LIMK1: variants seen among roughly 807,000 people sequenced by gnomAD.
LIMK1 encodes the protein LIM motif-containing protein kinase.
A neutral mutation model predicts 77.6 loss-of-function variants in LIMK1; 21 were observed. That is an observed-to-expected ratio of 0.27 (90% CI 0.19 to 0.39). The LOEUF (loss-of-function observed/expected upper bound fraction) is 0.39, where lower values mean the gene tolerates loss of function less well. LIMK1 is among the 10% of genes least tolerant of loss of function. The probability of loss-of-function intolerance (pLI) is 1.00; values close to 1 mark genes in which losing one functional copy is unlikely to be tolerated. For synonymous variants in LIMK1, 358 were observed against 370.0 expected, an observed-to-expected ratio of 0.97 and a Z score of 0.37; for missense variants, 696 against 901.6, an observed-to-expected ratio of 0.77 and a Z score of 2.92.
Position 74,111,663 on chromosome 7 carries a change from T to C in LIMK1, c.1300T>C (p.Trp434Arg). The C allele has an allele frequency of 1.2e-6, 2 of 1,613,314 alleles. No homozygotes were observed. Among genetic ancestry groups the C allele is most frequent in the Non-Finnish European group, 1.7e-6 (2 of 1,179,642 alleles). Residue 434 changes from tryptophan (W) to arginine (R), a missense_variant, in exon 11 of 16, where the codon TGG becomes CGG. Physicochemically the swap from Trp to Arg is moderately radical, Grantham distance 101 (BLOSUM62 -3). Transcript: ENST00000336180. ...TCCATCCCAGGACAGCCAGTACCCA[T>C]GGAGCCAGAGAGTGAGCTTTGCCAA... ...IIKSMDSQYP[W>R]SQRVSFAKDI...
intron 10 of LIMK1, 196 bp from the exon 11 acceptor site, chr7:74,111,452 A>G: frequency 3.5e-6 from 2 of 577,022 alleles, no homozygotes; most frequent in East Asian, 2.9e-5. Flanking sequence ...AAAAAAAAAA[A>G]GGAAATAATG....
chr7:74,087,898 T>G (rs1015207849), intron 2 of LIMK1, among the ~76,000 whole-genome samples: 2 of 151,906 alleles, frequency 1.3e-5, no homozygotes, highest in East Asian at 3.9e-4. Flanking sequence ...CCTCGGTTTG[T>G]TTTTTTGTTT....
chr7:74,111,534 G>T (rs1015534794), intron 10 of LIMK1, 114 bp from the exon 11 acceptor site: 5 of 801,318 alleles, frequency 6.2e-6, no homozygotes, highest in Non-Finnish European at 6.4e-6. Flanking sequence ...CGGGGTGTTG[G>T]GGAGCCCAGG....
chr7:74,086,539 T>C (rs1264289695), intron 2 of LIMK1, among the ~76,000 whole-genome samples: 1 of 152,112 alleles, frequency 6.6e-6, no homozygotes, highest in Non-Finnish European at 1.5e-5. Context: ...TTTTAAATTT[T>C]GTGTAAAGAC....
intron 13 of LIMK1, 126 bp downstream of exon 13, chr7:74,116,084 C>T (rs1273938632): frequency 1.0e-6 from 1 of 978,774 alleles, no homozygotes; most frequent in Non-Finnish European, 1.5e-6. Context: ...CCTGTGGGTC[C>T]TGTTGCTCCT....
intron 2 of LIMK1, among the ~76,000 whole-genome samples, chr7:74,091,461 G>A (rs782586260): frequency 4.6e-5 from 7 of 152,162 alleles, no homozygotes; most frequent in Non-Finnish European, 1.0e-4. Context: ...AAGCTGCAGT[G>A]AGCTGTGATC....
intron 6 of LIMK1, 39 bp from the exon 7 acceptor site, chr7:74,106,038 T>G (rs1216926646): frequency 1.2e-6 from 2 of 1,612,778 alleles, no homozygotes; most frequent in Non-Finnish European, 1.7e-6. Context: ...CCTAGCCCCC[T>G]CCCCACTCCA....
At chr7:74,096,462 C>T (rs1468877690) in intron 2 of LIMK1, among the ~76,000 whole-genome samples, 160 bp from the exon 3 acceptor site, 1 of 152,148 alleles carries the variant, frequency 6.6e-6, no homozygotes, top group Non-Finnish European at 1.5e-5. Context: ...GATCGAGCCA[C>T]TGCACTGCAG....
chr7:74,093,744 G>A lies in LIMK1; in HGVS notation c.153-2878G>A, dbSNP rs142928804. 5.3e-5 allele frequency among the ~76,000 whole-genome samples: 8 copies of A among 152,268 alleles called. No homozygotes were observed. In the East Asian group the frequency reaches 1.4e-3, roughly 26 times the overall value. ...TGGGGCCAGGGCATGGCTCTCCCCC[G>A]AGGGAGTTCCTCTCTGGCTGTCCCC... On this transcript the variant is annotated intron_variant, in intron 2 of 15. Coordinates refer to ENST00000336180, the MANE Select transcript of LIMK1 (RefSeq NM_002314.4).
chr7:74,099,187 A>G lies in LIMK1; in HGVS notation c.557A>G (p.His186Arg). The change falls in exon 5 of 16, where the codon CAC (histidine) becomes CGC (arginine). Residue 186 changes from histidine (H) to arginine (R), a missense_variant. His to Arg is a conservative substitution (Grantham distance 29). This residue lies in a region of LIMK1 where 252 missense variants were observed against 279.4 expected (regional missense o/e 0.90). Coordinates refer to ENST00000336180, the MANE Select transcript of LIMK1 (RefSeq NM_002314.4). ...CTTTCAGTCTCCATTGACCCCCCGC[A>G]CGGCCCACCGGGCTGTGGCACCGAG... The part of the protein sequence containing the change: ...RGLSVSIDPP[H>R]GPPGCGTEHS... The G allele has an allele frequency of 2.5e-6, 4 of 1,611,242 alleles. No homozygotes were observed. The highest frequency in any genetic ancestry group is 3.4e-6 in the Non-Finnish European group (4 of 1,179,964).
intron 2 of LIMK1, among the ~76,000 whole-genome samples, chr7:74,095,968 CTTTTT>C (rs869065672): frequency 7.9e-6 from 1 of 127,232 alleles, no homozygotes; most frequent in Non-Finnish European, 1.6e-5. Flanking sequence ...TTTTCTTTTT[CTTTTT>C]TTTTTTTTTG....
chr7:74,108,043 T>C, intron 9 of LIMK1, 86 bp downstream of exon 9: 1 of 954,458 alleles, frequency 1.0e-6, no homozygotes, highest in Non-Finnish European at 1.7e-6. Context: ...AAAAGGGCTC[T>C]GGGAACCATT....
In LIMK1 at chr7:74,105,999, G is replaced by A; in HGVS notation, c.714+19G>A. 1.2e-6 allele frequency: 2 copies of A among 1,613,574 alleles called. No individual in the cohort carries two copies. The highest frequency in any genetic ancestry group is 1.7e-6 in the Non-Finnish European group (2 of 1,179,570). ...GGACGAGGTACGGTCCTGAGTCTGT[G>A]GGGCAGGACGGGAGGTAGTGCCTTC... is the stretch of plus-strand genomic sequence containing the variant. On this transcript the variant is annotated intron_variant, in intron 6 of 15. Coordinates refer to ENST00000336180, the MANE Select transcript of LIMK1 (RefSeq NM_002314.4).
intron 6 of LIMK1, 30 bp from the exon 7 acceptor site, chr7:74,106,047 C>T (rs1368998386): frequency 3.1e-6 from 5 of 1,613,730 alleles, no homozygotes; most frequent in Non-Finnish European, 4.2e-6. Flanking sequence ...CTCCCCACTC[C>T]ACCCCCATTC....
chr7:74,106,001 G>C, intron 6 of LIMK1, 21 bp downstream of exon 6: 1 of 1,613,094 alleles, frequency 6.2e-7, no homozygotes. Context: ...GAGTCTGTGG[G>C]GCAGGACGGG....
intron 1 of LIMK1, among the ~76,000 whole-genome samples, chr7:74,085,285 C>T (rs1325516555): frequency 6.6e-6 from 1 of 152,226 alleles, no homozygotes; most frequent in Non-Finnish European, 1.5e-5. Context: ...CCCTTGACCT[C>T]CCAGCTGGCT....
intron 4 of LIMK1, 82 bp from the exon 5 acceptor site, chr7:74,098,950 G>T (rs1392474162): frequency 2.7e-6 from 3 of 1,097,608 alleles, no homozygotes; most frequent in African/African-American, 1.6e-5. Flanking sequence ...TGGGGGAAGA[G>T]CCTGGGGCTG....
intron 10 of LIMK1, chr7:74,110,329 C>T (rs1364621094): frequency 6.6e-6 from 1 of 152,066 alleles, no homozygotes; most frequent in African/African-American, 2.4e-5. Context: ...GAGACCCTGT[C>T]TCAATAAAAA....
intron 5 of LIMK1, among the ~76,000 whole-genome samples, chr7:74,105,420 C>T (rs1313310219): frequency 4.0e-5 from 6 of 150,712 alleles, no homozygotes; most frequent in Admixed American, 1.3e-4. Flanking sequence ...GGCTGAGGTA[C>T]GAGAATCGCT....
Sources: allele counts gnomAD v4.1 joint callset (sites outside exome capture counted in the v4.1 genomes callset), GRCh38; gene constraint gnomAD v4.1.1; regional missense constraint gnomAD v4.1.1; transcripts MANE v1.5; gene names NCBI Gene and HGNC (gene_info 2026-07-23, HGNC 2026-07-21).